ATP8B4: variants seen among roughly 807,000 people sequenced by gnomAD.
The protein encoded by ATP8B4 is ATPase phospholipid transporting 8B4 (putative).
In ATP8B4, 133 loss-of-function variants were observed where a neutral mutation model predicts 145.6. The observed-to-expected ratio is 0.91, with a 90% confidence interval of 0.79 to 1.05. ATP8B4 has a LOEUF of 1.05. Among genes scored for constraint, ATP8B4 ranks in the 50% least tolerant of loss-of-function variants. The pLI is 0.00. For missense variants in ATP8B4, 1,458 were observed against 1,425.2 expected (o/e 1.02, Z -0.37); for synonymous variants, 507 against 492.9 (o/e 1.03, Z -0.38).
chr15:50,072,921 C>CTCTCTCTCTCT (rs2053843320), intron 3 of ATP8B4, among the ~76,000 whole-genome samples: 1 of 27,272 alleles, frequency 3.7e-5, no homozygotes. Context: ...CTGTGCCCGG[C>CTCTCTCTCTCT]CTCTCTCTCT....
rs114094664 is a variant in ATP8B4 at position 49,944,148 on chromosome 15, C to T, written c.1288-9966G>A. The stretch of plus-strand genomic sequence containing the variant: ...AAACACAAAGGAAGACAGCAAGAGA[C>T]AAAAAGACAAAAGAACTACTATATA... On this transcript the variant is annotated intron_variant, in intron 14 of 27. Coordinates refer to ENST00000284509, the MANE Select transcript of ATP8B4 (RefSeq NM_024837.4). Among the ~76,000 whole-genome samples, 1,327 of 151,998 alleles carry T rather than the reference C, an allele frequency of 8.7e-3. 23 individuals carry two copies. Among genetic ancestry groups the T allele is most frequent in the African/African-American group, 0.031 (1,274 of 41,444 alleles).
At chr15:50,111,880 G>A (rs1164205516) in intron 1 of ATP8B4, among the ~76,000 whole-genome samples, 2 of 152,176 alleles carry the variant, frequency 1.3e-5, no homozygotes, top group Non-Finnish European at 2.9e-5. Flanking sequence ...AAAGAAAGGA[G>A]ATAATGGCTG....
At chr15:50,063,333 G>T (rs907259692) in intron 3 of ATP8B4, among the ~76,000 whole-genome samples, 1 of 151,864 alleles carries the variant, frequency 6.6e-6, no homozygotes. Context: ...GATTAATCCA[G>T]GTTGCCCATT....
At chr15:49,894,732 G>C (rs2037205667) in intron 23 of ATP8B4, among the ~76,000 whole-genome samples, 1 of 152,192 alleles carries the variant, frequency 6.6e-6, no homozygotes, top group Admixed American at 6.5e-5. Flanking sequence ...ACCAGATCCA[G>C]AGCCTGCAGG....
At chr15:50,072,618 T>C (rs546599967) in intron 3 of ATP8B4, among the ~76,000 whole-genome samples, 20 of 151,952 alleles carry the variant, frequency 1.3e-4, no homozygotes, top group South Asian at 6.3e-4. Context: ...GGGAACTTTA[T>C]CTTTTGTTTT....
intron 1 of ATP8B4, among the ~76,000 whole-genome samples, chr15:50,115,505 AAAG>A (rs1234700880): frequency 6.6e-6 from 1 of 151,910 alleles, no homozygotes; most frequent in Non-Finnish European, 1.5e-5. Context: ...TTTAAAAGGA[AAAG>A]AAGAGCTTGC....
intron 13 of ATP8B4, among the ~76,000 whole-genome samples, chr15:49,972,318 G>A (rs2045229493): frequency 1.3e-5 from 2 of 152,064 alleles, no homozygotes; most frequent in Admixed American, 1.3e-4. Flanking sequence ...ACTTCAGAGA[G>A]TATCATATCT....
intron 1 of ATP8B4, among the ~76,000 whole-genome samples, chr15:50,156,638 G>T (rs1040860160): frequency 6.6e-6 from 1 of 152,164 alleles, no homozygotes; most frequent in Non-Finnish European, 1.5e-5. Flanking sequence ...GTTAACTACA[G>T]TTGTAGATTT....
chr15:49,976,805 A>C (rs1431011117), intron 12 of ATP8B4, among the ~76,000 whole-genome samples: 3 of 152,146 alleles, frequency 2.0e-5, no homozygotes. Context: ...TTTCTTTTAC[A>C]ATAGCAGAGA....
upstream of ATP8B4, among the ~76,000 whole-genome samples, chr15:50,122,654 T>C (rs937856093): frequency 1.3e-5 from 2 of 152,118 alleles, no homozygotes; most frequent in African/African-American, 2.4e-5. Context: ...AAAATTGCAA[T>C]TTGGGAATAT....
At chr15:49,973,782 C>T (rs1190344559) in intron 12 of ATP8B4, among the ~76,000 whole-genome samples, 1 of 152,158 alleles carries the variant, frequency 6.6e-6, no homozygotes, top group Non-Finnish European at 1.5e-5. Context: ...TTTCCAAAAA[C>T]GTCATAGCAA....
At chr15:49,895,613 A>G (rs2037317665) in intron 23 of ATP8B4, 1 of 152,248 alleles carries the variant, frequency 6.6e-6, no homozygotes, top group Non-Finnish European at 1.5e-5. Flanking sequence ...GGGTTCAACC[A>G]TCAAGCTGCT....
At chr15:50,133,853 G>A (rs538048538) in intron 1 of ATP8B4, among the ~76,000 whole-genome samples, 1 of 152,114 alleles carries the variant, frequency 6.6e-6, no homozygotes, top group South Asian at 2.1e-4. Flanking sequence ...ACAAAATAAT[G>A]AGCCAGGTAT....
chr15:49,944,676 G>A (rs1454627250), intron 14 of ATP8B4, among the ~76,000 whole-genome samples: 1 of 151,978 alleles, frequency 6.6e-6, no homozygotes, highest in African/African-American at 2.4e-5. Context: ...GATCAATAAG[G>A]AAACAGAGGA....
At chr15:50,051,235 T>G (rs531006152) in intron 3 of ATP8B4, among the ~76,000 whole-genome samples, 1 of 152,328 alleles carries the variant, frequency 6.6e-6, no homozygotes, top group Non-Finnish European at 1.5e-5. Context: ...CCTTGTTGCC[T>G]CCATGTGAAG....
chr15:50,054,593 C>T (rs542307723), intron 3 of ATP8B4, among the ~76,000 whole-genome samples: 2 of 151,926 alleles, frequency 1.3e-5, no homozygotes, highest in East Asian at 3.9e-4. Flanking sequence ...ATCAGCCTGG[C>T]TAACATGGTG....
chr15:50,072,387 T>C (rs1355312683), intron 3 of ATP8B4, among the ~76,000 whole-genome samples: 1 of 152,106 alleles, frequency 6.6e-6, no homozygotes, highest in Non-Finnish European at 1.5e-5. Flanking sequence ...AGATTCCAGG[T>C]AGCAACTTAC....
chr15:49,860,073 A>T lies in ATP8B4; in HGVS notation c.*121T>A. 8.1e-7 allele frequency: 1 copy of T among 1,235,668 alleles called. No individual in the cohort carries two copies. Among genetic ancestry groups the T allele is most frequent in the Non-Finnish European group, 1.1e-6 (1 of 890,130 alleles). The allele number at this position is 1,235,668 out of a possible 1,614,324, so 76.5% of individuals were successfully genotyped here. ...ACTGGCAGTTGTCTGCCGCAGATTT[A>T]AGTTAAGTGAGGCAATCTGCCTGCC... is the stretch of plus-strand genomic sequence containing the variant. On this transcript the variant is annotated 3_prime_UTR_variant, in exon 28 of 28. Coordinates refer to ENST00000284509, the MANE Select transcript of ATP8B4 (RefSeq NM_024837.4).
intron 16 of ATP8B4, among the ~76,000 whole-genome samples, chr15:49,928,486 C>T (rs564084824): frequency 2.0e-4 from 30 of 152,156 alleles, no homozygotes; most frequent in African/African-American, 7.0e-4. Context: ...GATCAGATTG[C>T]AAATAATTTT....
Sources: allele counts gnomAD v4.1 joint callset (sites outside exome capture counted in the v4.1 genomes callset), GRCh38; gene constraint gnomAD v4.1.1; transcripts MANE v1.5; gene names NCBI Gene and HGNC (gene_info 2026-07-23, HGNC 2026-07-21).